Variants in TSGA10 observed in about 807,000 individuals in gnomAD.
The protein encoded by TSGA10 is testis-specific gene 10 protein.
Under a neutral mutation model 96.6 loss-of-function variants are expected in TSGA10, and 43 were observed. That is an observed-to-expected ratio of 0.44 (90% CI 0.35 to 0.57). TSGA10 has a LOEUF of 0.57. TSGA10 is among the 20% of genes least tolerant of loss of function. The pLI, the probability that TSGA10 is intolerant of heterozygous loss-of-function variation, is 0.01. For missense variants in TSGA10, 703 were observed against 834.4 expected (o/e 0.84, Z 1.94); for synonymous variants, 229 against 269.9 (o/e 0.85, Z 1.48).
intron 20 of TSGA10, among the ~76,000 whole-genome samples, chr2:99,008,145 G>C (rs1039984772): frequency 6.6e-5 from 10 of 152,238 alleles, no homozygotes; most frequent in African/African-American, 2.4e-4. Flanking sequence ...GAGAGAGAAA[G>C]ATTTGCTAAC....
rs185146028 is a variant in TSGA10, at chr2:99,101,177, G to A, written c.611+2790C>T. On this transcript the variant is annotated intron_variant, in intron 10 of 20. Coordinates refer to ENST00000393483, the MANE Select transcript of TSGA10 (RefSeq NM_025244.4). ...GAGAATGGCGTGAACCCGGGAAGGC[G>A]GAGCTTGCAGTGAGCCGAGATTGCA... Among the ~76,000 whole-genome samples the A allele has an allele frequency of 1.7e-3, 232 of 135,436 alleles. 3 individuals are homozygous for A. Among genetic ancestry groups the A allele is most frequent in the African/African-American group, 6.1e-3 (228 of 37,344 alleles). 88.9% of individuals were successfully genotyped at this position (135,436 alleles called of 152,430 possible).
At chr2:99,081,226 T>A (rs1000667859) in intron 11 of TSGA10, 56 bp downstream of exon 11, 2 of 1,013,906 alleles carry the variant, frequency 2.0e-6, no homozygotes, top group Non-Finnish European at 2.9e-6. Context: ...AGAAAATACA[T>A]CTTTGCTACC....
chr2:99,139,425 T>C (rs994933774), intron 1 of TSGA10, among the ~76,000 whole-genome samples: 20 of 152,200 alleles, frequency 1.3e-4, no homozygotes, highest in African/African-American at 4.8e-4. Flanking sequence ...GATTTTTTGA[T>C]AGAATGGAAA....
chr2:99,089,335 C>G (rs1313401796), intron 10 of TSGA10, among the ~76,000 whole-genome samples: 1 of 152,148 alleles, frequency 6.6e-6, no homozygotes, highest in Non-Finnish European at 1.5e-5. Context: ...GGGAAAAGAC[C>G]ACAGGGAGAA....
chr2:99,144,192 T>C (rs2105125766), intron 1 of TSGA10, among the ~76,000 whole-genome samples: 1 of 151,960 alleles, frequency 6.6e-6, no homozygotes, highest in East Asian at 1.9e-4. Context: ...GGCTAATTTT[T>C]TTGTATTTTT....
rs1278385894 is a variant in TSGA10 at position 99,136,660 on chromosome 2, G to A, written c.-620-9484C>T. Among the ~76,000 whole-genome samples the A allele has an allele frequency of 9.9e-5, 7 of 70,498 alleles. 2 individuals are homozygous for A. The highest frequency in any genetic ancestry group is 7.8e-4 in the Admixed American group (5 of 6,410). 46.2% of individuals were successfully genotyped at this position (70,498 alleles called of 152,430 possible). On this transcript the variant is annotated intron_variant, in intron 1 of 20. Coordinates refer to ENST00000393483, the MANE Select transcript of TSGA10 (RefSeq NM_025244.4). ...AAAATACAAAAAAAATTAGCCGGGC[G>A]TAGTGGCGGGCGCCTGTAGTCCCAG...
intron 7 of TSGA10, among the ~76,000 whole-genome samples, chr2:99,107,177 C>A (rs1390902523): frequency 6.6e-6 from 1 of 152,154 alleles, no homozygotes; most frequent in Non-Finnish European, 1.5e-5. Flanking sequence ...TTCCTAAAAG[C>A]AAATCATGTC....
intron 1 of TSGA10, chr2:99,148,126 C>T (rs2093650891): frequency 6.6e-6 from 1 of 152,150 alleles, no homozygotes; most frequent in Non-Finnish European, 1.5e-5. Context: ...TCTTTCATAA[C>T]ATTGACATTT....
At chr2:99,071,608 A>G in intron 14 of TSGA10, 98 bp downstream of exon 14, 1 of 1,130,530 alleles carries the variant, frequency 8.8e-7, no homozygotes. Context: ...GGCTAGTTCC[A>G]GTGTCTGAGC....
At chr2:99,149,378 C>A (rs1234632825) in intron 1 of TSGA10, among the ~76,000 whole-genome samples, 1 of 151,968 alleles carries the variant, frequency 6.6e-6, no homozygotes, top group Non-Finnish European at 1.5e-5. Flanking sequence ...GAAAGCGAAA[C>A]CCTAACCTAG....
At chr2:99,149,101 G>A (rs571005385) in intron 1 of TSGA10, among the ~76,000 whole-genome samples, 1 of 151,406 alleles carries the variant, frequency 6.6e-6, no homozygotes, top group South Asian at 2.1e-4. Context: ...AACCTGCCGG[G>A]TGGAGGTCCA....
intron 20 of TSGA10, among the ~76,000 whole-genome samples, chr2:99,015,980 T>C (rs1466008807): frequency 6.6e-6 from 1 of 152,092 alleles, no homozygotes; most frequent in Admixed American, 6.6e-5. Context: ...CAAGGAAAAC[T>C]ACAAAACACT....
rs893791097 is a variant in TSGA10 at position 99,067,782 on chromosome 2, G to A, written c.1218+1106C>T. ...GAATCGCTTGAACATGGGAGGCAAA[G>A]GTTGCAGTGAGCCACGATTGCACCA... is the stretch of plus-strand genomic sequence containing the variant. On this transcript the variant is annotated intron_variant, in intron 15 of 20. Transcript: ENST00000393483. Among the ~76,000 whole-genome samples, 6 of 151,910 alleles carry A rather than the reference G, an allele frequency of 3.9e-5. No homozygotes were observed. The East Asian group carries it at 1.2e-3, about 29-fold the overall frequency.
At position 99,071,729 on chromosome 2, in the gene TSGA10, C is replaced by T. The variant is rs149160419; in HGVS notation, c.1084G>A (p.Ala362Thr). ...HDNDNLQEQF[A>T]KAKQENQALS... ...ACCTGGTTTTCTTGTTTAGCTTTAG[C>T]AAACTGTTCCTGGAGATTGTCATTG... Residue 362 changes from alanine to threonine, a missense_variant, in exon 14 of 21, where the codon GCT (alanine) becomes ACT (threonine). Physicochemically the swap from Ala to Thr is moderately conservative, Grantham distance 58 (BLOSUM62 0). Transcript: ENST00000393483. 16 of 1,613,078 alleles carry T rather than the reference C, an allele frequency of 9.9e-6. No individual in the cohort carries two copies. In the East Asian group the frequency reaches 1.3e-4, roughly 13 times the overall value.
chr2:99,042,790 G>A (rs1236141208), intron 16 of TSGA10, among the ~76,000 whole-genome samples: 1 of 151,144 alleles, frequency 6.6e-6, no homozygotes, highest in Non-Finnish European at 1.5e-5. Context: ...TGCAACCTCT[G>A]CTTCCCAGGT....
chr2:99,005,587 G>A (rs1336528025), intron 20 of TSGA10, among the ~76,000 whole-genome samples: 1 of 152,140 alleles, frequency 6.6e-6, no homozygotes, highest in Non-Finnish European at 1.5e-5. Flanking sequence ...ACTTACAAGG[G>A]ATATGAAGGA....
intron 1 of TSGA10, among the ~76,000 whole-genome samples, chr2:99,138,982 T>C (rs1003154521): frequency 1.3e-5 from 2 of 152,128 alleles, no homozygotes; most frequent in Non-Finnish European, 2.9e-5. Context: ...CAGGTGAAGA[T>C]TTAGACACTT....
At chr2:99,102,873 CTTTTATA>C (rs1445340751) in intron 10 of TSGA10, 15 of 726,700 alleles carry the variant, frequency 2.1e-5, no homozygotes, top group Middle Eastern at 3.8e-4. Context: ...CATCATAGTC[CTTTTATA>C]TTTGTCTTTG....
At chr2:99,023,608 A>G (rs536295911) in intron 17 of TSGA10, among the ~76,000 whole-genome samples, 38 of 152,288 alleles carry the variant, frequency 2.5e-4, no homozygotes, top group African/African-American at 8.9e-4. Context: ...TCTTTTCCAC[A>G]TAGATATTAG....
Sources: allele counts gnomAD v4.1 joint callset (sites outside exome capture counted in the v4.1 genomes callset), GRCh38; gene constraint gnomAD v4.1.1; transcripts MANE v1.5; gene names NCBI Gene and HGNC (gene_info 2026-07-23, HGNC 2026-07-21).